IQCE: variants seen among roughly 807,000 people sequenced by gnomAD.
IQCE encodes IQ motif containing E.
IQCE carries 115 observed loss-of-function variants against 96.0 expected under a neutral mutation model. The ratio of observed to expected loss-of-function variants is 1.20; its 90% confidence interval spans 1.03 to 1.40. The LOEUF (loss-of-function observed/expected upper bound fraction) is 1.40, where lower values mean the gene tolerates loss of function less well. Ranked by LOEUF, IQCE falls within the 40% of genes most tolerant of loss-of-function variation. The probability of loss-of-function intolerance (pLI) is 0.00; values close to 1 mark genes in which losing one functional copy is unlikely to be tolerated. For missense variants in IQCE, 1,041 were observed against 909.1 expected (o/e 1.15, Z -1.87); for synonymous variants, 412 against 371.2 (o/e 1.11, Z -1.26).
chr7:2,582,755 A>G, intron 9 of IQCE, 105 bp downstream of exon 9: 1 of 933,132 alleles, frequency 1.1e-6, no homozygotes, highest in Non-Finnish European at 1.7e-6. Context: ...CCCTACTCCC[A>G]GCCCAAAGCC....
rs1339030772 is a variant in IQCE at position 2,558,980 on chromosome 7, C to A, written c.-202C>A. On this transcript the variant is annotated 5_prime_UTR_variant, in exon 1 of 22. Coordinates refer to ENST00000402050, the MANE Select transcript of IQCE (RefSeq NM_152558.5). ...GGCCGGCCGGCGCCCGCGGACTCTGCGCACGCGCATGGTCGCCCCAGGGGG... is the reference window on the plus strand; with the variant it reads ...GGCCGGCCGGCGCCCGCGGACTCTGAGCACGCGCATGGTCGCCCCAGGGGG... The A allele has an allele frequency of 6.0e-6, 2 of 333,962 alleles. No individual in the cohort carries two copies. Among genetic ancestry groups the A allele is most frequent in the Non-Finnish European group, 1.1e-5 (2 of 185,788 alleles). 20.7% of individuals were successfully genotyped at this position (333,962 alleles called of 1,614,324 possible). A position where few individuals can be genotyped will look rare whatever the true frequency, so the allele number is the denominator to read the frequency against.
chr7:2,578,347 CCCAGCCGCG>C lies in IQCE; in HGVS notation c.572_579+1del, dbSNP rs765134641. 212 of 1,613,818 alleles carry C rather than the reference CCCAGCCGCG, an allele frequency of 1.3e-4. 1 individual carries two copies. The highest frequency in any genetic ancestry group is 5.0e-5 in the Admixed American group (3 of 60,002). ...CCGGCAGATAGAGCAGCTCCTGGAT[CCCAGCCGCG>C]TAAGCTCCTGGCGCTTCACGGACGG... On this transcript the variant is annotated splice_donor_variant and coding_sequence_variant, in exon 7 of 22. Transcript: ENST00000402050. LOFTEE classifies it high-confidence loss of function.
Position 2,584,304 on chromosome 7 carries a change from A to G in IQCE, c.824+19A>G. ...GAAAGAAGTATGATGGCCGCTTGCA[A>G]GCTGTGTTTTGTGTGTTGCCTTCAC... On this transcript the variant is annotated intron_variant, in intron 11 of 21. Coordinates refer to ENST00000402050, the MANE Select transcript of IQCE (RefSeq NM_152558.5). 2 of 1,613,216 alleles carry G rather than the reference A, an allele frequency of 1.2e-6. No individual in the cohort carries two copies. Among genetic ancestry groups the G allele is most frequent in the Non-Finnish European group, 1.7e-6 (2 of 1,179,160 alleles).
intron 1 of IQCE, among the ~76,000 whole-genome samples, chr7:2,565,790 A>G (rs13235656): frequency 0.1 from 15,790 of 152,220 alleles, 1,075 homozygotes; most frequent in Non-Finnish European, 0.15. Flanking sequence ...TAAATAGGTG[A>G]TATAAAAAAT....
chr7:2,589,068 T>C (rs1042121137), intron 13 of IQCE, among the ~76,000 whole-genome samples: 1 of 152,168 alleles, frequency 6.6e-6, no homozygotes, highest in African/African-American at 2.4e-5. Context: ...TTTTTACATA[T>C]TTACAACATA....
chr7:2,577,254 A>C (rs1176738223), intron 6 of IQCE, among the ~76,000 whole-genome samples: 1 of 147,148 alleles, frequency 6.8e-6, no homozygotes, highest in Non-Finnish European at 1.5e-5. Flanking sequence ...ATGGCTGTGT[A>C]CGTGGGGACG....
chr7:2,587,068 C>G lies in IQCE; in HGVS notation c.988+697C>G, dbSNP rs76524587. ...AGCAGTGGGTGTGGTGAAAGGTGTT[C>G]AGGGTCTGGTTGCATCTTGTAGCTG... On this transcript the variant is annotated intron_variant, in intron 12 of 21. Transcript: ENST00000402050. 9.4e-3 allele frequency among the ~76,000 whole-genome samples: 1,434 copies of G among 152,282 alleles called. 18 individuals carry two copies. The highest frequency in any genetic ancestry group is 0.033 in the African/African-American group (1,362 of 41,540).
chr7:2,579,522 C>T lies in IQCE; in HGVS notation c.630+996C>T, dbSNP rs571914712. 9.9e-5 allele frequency among the ~76,000 whole-genome samples: 15 copies of T among 152,226 alleles called. No homozygotes were observed. In the South Asian group the frequency reaches 3.1e-3, roughly 32 times the overall value. On this transcript the variant is annotated intron_variant, in intron 8 of 21. Coordinates refer to ENST00000402050, the MANE Select transcript of IQCE (RefSeq NM_152558.5). ...AATCTCTAAAGAAAAAAGGCCGTGT[C>T]CTCTGAACTATGTCACAGATATAGA...
intron 16 of IQCE, among the ~76,000 whole-genome samples, chr7:2,596,726 C>T (rs566765311): frequency 6.6e-6 from 1 of 152,290 alleles, no homozygotes; most frequent in East Asian, 1.9e-4. Context: ...AGCTGATTTT[C>T]CTTTCTGATC....
chr7:2,571,501 T>C (rs1265457476), intron 3 of IQCE, 25 bp from the exon 4 acceptor site: 5 of 1,604,800 alleles, frequency 3.1e-6, no homozygotes, highest in Admixed American at 3.3e-5. Flanking sequence ...CCGGCACCTC[T>C]GAATCCACGT....
At position 2,614,112 on chromosome 7, in the gene IQCE, AC is replaced by A. The variant is rs889459769; in HGVS notation, c.*3955del. On this transcript the variant is annotated 3_prime_UTR_variant, in exon 22 of 22. Coordinates refer to ENST00000402050, the MANE Select transcript of IQCE (RefSeq NM_152558.5). Reference sequence around the variant, plus strand: ...CCTTGATCCCTCCGATGGACCAGAAACCCCCTTCCTTGCAAAAAAAAGGCAA... The same window carrying A: ...CCTTGATCCCTCCGATGGACCAGAAACCCCTTCCTTGCAAAAAAAAGGCAA... 4.7e-5 allele frequency: 7 copies of A among 150,178 alleles called. No individual in the cohort carries two copies. Among genetic ancestry groups the A allele is most frequent in the African/African-American group, 1.7e-4 (7 of 40,532 alleles). The allele number at this position is 150,178 out of a possible 1,614,324, so 9.3% of individuals were successfully genotyped here.
intron 6 of IQCE, among the ~76,000 whole-genome samples, chr7:2,577,661 GCGCGGGGA>G (rs1199723870): frequency 5.9e-5 from 5 of 84,724 alleles, no homozygotes; most frequent in African/African-American, 2.4e-4. Flanking sequence ...TTGGCTGTGC[GCGCGGGGA>G]CGTGTGTGCG....
chr7:2,598,965 C>T (rs1252246763), intron 17 of IQCE, among the ~76,000 whole-genome samples: 1 of 152,220 alleles, frequency 6.6e-6, no homozygotes, highest in Non-Finnish European at 1.5e-5. Flanking sequence ...GTGACTGCAC[C>T]TAGGGCTGCC....
chr7:2,561,861 C>T (rs890681314), intron 1 of IQCE, among the ~76,000 whole-genome samples: 1 of 152,168 alleles, frequency 6.6e-6, no homozygotes, highest in Admixed American at 6.5e-5. Context: ...AGTTTTACTT[C>T]CTTCTTTTCA....
intron 20 of IQCE, among the ~76,000 whole-genome samples, chr7:2,606,611 CTGT>C (rs1351823481): frequency 1.3e-5 from 2 of 152,190 alleles, no homozygotes; most frequent in African/African-American, 4.8e-5. Context: ...TTCTCAGCCT[CTGT>C]GGTGGAGCCG....
intron 20 of IQCE, 95 bp from the exon 21 acceptor site, chr7:2,607,029 T>C: frequency 8.6e-7 from 1 of 1,166,094 alleles, no homozygotes; most frequent in African/African-American, 1.6e-5. Flanking sequence ...ATTGGAATAC[T>C]TGCCTCCAAG....
chr7:2,598,604 AG>A lies in IQCE; in HGVS notation c.1582del (p.Ala528ProfsTer36). 6.3e-7 allele frequency: 1 copy of A among 1,588,760 alleles called. No homozygotes were observed. Among genetic ancestry groups the A allele is most frequent in the African/African-American group, 1.4e-5 (1 of 73,892 alleles). ...GRRDAAARVL[Q>X]AQWKVYKHKK... ...AGAGACGCCGCGGCCAGAGTCCTGC[AG>A]GCCCAGTGGAAGGTGTACAAGCACA... On this transcript the variant is annotated frameshift_variant, in exon 17 of 22. Coordinates refer to ENST00000402050, the MANE Select transcript of IQCE (RefSeq NM_152558.5). LOFTEE classifies it high-confidence loss of function.
intron 9 of IQCE, 67 bp from the exon 10 acceptor site, chr7:2,583,569 CT>C: frequency 8.1e-7 from 1 of 1,241,682 alleles, no homozygotes; most frequent in Admixed American, 1.9e-5. Context: ...TTCTGGGAAA[CT>C]CTTCCTCTTG....
At chr7:2,581,331 G>C (rs1028265913) in intron 8 of IQCE, among the ~76,000 whole-genome samples, 2 of 151,750 alleles carry the variant, frequency 1.3e-5, no homozygotes, top group Non-Finnish European at 2.9e-5. Flanking sequence ...TCAGCCTCCT[G>C]AGTAGTTGGG....
Sources: allele counts gnomAD v4.1 joint callset (sites outside exome capture counted in the v4.1 genomes callset), GRCh38; gene constraint gnomAD v4.1.1; transcripts MANE v1.5; gene names NCBI Gene and HGNC (gene_info 2026-07-23, HGNC 2026-07-21).